The following NR3C2 variants were observed in gnomAD, a reference collection of about 807,000 sequenced individuals.
NR3C2 encodes mineralocorticoid receptor.
In NR3C2, 15 loss-of-function variants were observed where a neutral mutation model predicts 86.4. That is an observed-to-expected ratio of 0.17 (90% CI 0.12 to 0.27). The LOEUF (loss-of-function observed/expected upper bound fraction) is 0.27. Among genes scored for constraint, NR3C2 ranks in the 10% least tolerant of loss-of-function variants. The pLI, the probability that NR3C2 is intolerant of heterozygous loss-of-function variation, is 1.00. For missense variants in NR3C2, 960 were observed against 1,195.6 expected, an observed-to-expected ratio of 0.80 and a Z score of 2.91; for synonymous variants, 458 against 450.5, an observed-to-expected ratio of 1.02 and a Z score of -0.21.
intron 2 of NR3C2, among the ~76,000 whole-genome samples, chr4:148,292,386 T>C (rs976909528): frequency 2.6e-5 from 4 of 152,094 alleles, no homozygotes; most frequent in Admixed American, 6.5e-5. Context: ...AAATATTTGT[T>C]GCTTTATATA....
chr4:148,124,639 T>C (rs1374795593), intron 6 of NR3C2, among the ~76,000 whole-genome samples: 1 of 152,244 alleles, frequency 6.6e-6, no homozygotes, highest in East Asian at 1.9e-4. Flanking sequence ...CCTTCAGTTC[T>C]AAAATGTTTT....
intron 2 of NR3C2, among the ~76,000 whole-genome samples, chr4:148,376,890 A>C (rs72656871): frequency 6.6e-6 from 1 of 152,218 alleles, no homozygotes; most frequent in African/African-American, 2.4e-5. Context: ...TATTAAAATC[A>C]ACAACAAAAA....
chr4:148,323,559 AG>A (rs1743764579), intron 2 of NR3C2, among the ~76,000 whole-genome samples: 1 of 151,524 alleles, frequency 6.6e-6, no homozygotes, highest in Non-Finnish European at 1.5e-5. Context: ...CCTCCGAGCC[AG>A]GTGCGGGACA....
intron 8 of NR3C2, 48 bp from the exon 9 acceptor site, chr4:148,081,547 CCTGGATCCCT>C (rs1274547677): frequency 7.4e-6 from 12 of 1,612,682 alleles, no homozygotes; most frequent in Non-Finnish European, 8.5e-7. Context: ...CCTTTCCGAC[CCTGGATCCCT>C]CTGCCTTCTG....
At chr4:148,134,634 TCTC>T (rs1733194752) in intron 6 of NR3C2, among the ~76,000 whole-genome samples, 1 of 121,462 alleles carries the variant, frequency 8.2e-6, no homozygotes, top group African/African-American at 3.5e-5. Flanking sequence ...ATTCTCTCTC[TCTC>T]TCTCTCTTTT....
intron 6 of NR3C2, among the ~76,000 whole-genome samples, chr4:148,134,641 C>CTGTTTTTTTTTTTT: frequency 1.6e-5 from 1 of 60,966 alleles, no homozygotes; most frequent in East Asian, 7.9e-4. Context: ...CTCTCTCTCT[C>CTGTTTTTTTTTTTT]TCTTTTTTTT....
intron 3 of NR3C2, among the ~76,000 whole-genome samples, chr4:148,206,999 G>A (rs1737040722): frequency 6.6e-6 from 1 of 151,966 alleles, no homozygotes; most frequent in African/African-American, 2.4e-5. Flanking sequence ...ACAGCTCACT[G>A]CAGCCTTGAT....
intron 3 of NR3C2, among the ~76,000 whole-genome samples, chr4:148,225,590 ACAGAT>A (rs1484160400): frequency 1.3e-5 from 2 of 152,190 alleles, no homozygotes; most frequent in African/African-American, 4.8e-5. Context: ...CTAATGAATT[ACAGAT>A]AATTTATGGA....
At chr4:148,343,960 A>C (rs1744871492) in intron 2 of NR3C2, among the ~76,000 whole-genome samples, 1 of 152,132 alleles carries the variant, frequency 6.6e-6, no homozygotes, top group African/African-American at 2.4e-5. Context: ...CTCGAGGATA[A>C]TAAGCAGGAC....
At chr4:148,127,834 C>G (rs1003442863) in intron 6 of NR3C2, among the ~76,000 whole-genome samples, 8 of 152,124 alleles carry the variant, frequency 5.3e-5, no homozygotes, top group Non-Finnish European at 1.2e-4. Context: ...AATGAGGAAG[C>G]CAATTTTATT....
chr4:148,369,249 T>C (rs1746296095), intron 2 of NR3C2, among the ~76,000 whole-genome samples: 1 of 152,218 alleles, frequency 6.6e-6, no homozygotes, highest in African/African-American at 2.4e-5. Flanking sequence ...TTTTTATGGC[T>C]TCAAAATGCT....
intron 4 of NR3C2, among the ~76,000 whole-genome samples, chr4:148,177,348 A>G (rs1486358325): frequency 6.6e-6 from 1 of 152,210 alleles, no homozygotes; most frequent in Non-Finnish European, 1.5e-5. Flanking sequence ...ATGATATTGA[A>G]TATCATACAT....
chr4:148,383,245 C>A (rs1747090869), intron 2 of NR3C2, among the ~76,000 whole-genome samples: 2 of 152,062 alleles, frequency 1.3e-5, no homozygotes, highest in Non-Finnish European at 2.9e-5. Flanking sequence ...TAGAATTTTC[C>A]TTTCTGAGCT....
At chr4:148,312,937 C>A in intron 2 of NR3C2, among the ~76,000 whole-genome samples, 1 of 152,102 alleles carries the variant, frequency 6.6e-6, no homozygotes, top group South Asian at 2.1e-4. Context: ...GAATGATTCA[C>A]CTTTGAACTA....
At chr4:148,245,838 T>G (rs17581220) in intron 3 of NR3C2, among the ~76,000 whole-genome samples, 24,603 of 152,158 alleles carry the variant, frequency 0.16, 2,196 homozygotes, top group Admixed American at 0.21. Flanking sequence ...GATGGAAATT[T>G]TGTATGAAGA....
Position 148,435,656 on chromosome 4 carries a change from G to A in NR3C2, c.1205C>T (p.Pro402Leu), listed in dbSNP as rs143847779. Residue 402 changes from proline to leucine, a missense_variant, in exon 2 of 9, where the codon CCA (proline) becomes CTA (leucine). Pro to Leu is a moderately conservative substitution (Grantham distance 98). Transcript: ENST00000358102. ...LNIVQYIKPE[P>L]DGAFSSSCLG... is the part of the protein sequence containing the mutation. ...ACATGAGCTGCTAAAAGCTCCATCT[G>A]GTTCTGGTTTTATGTACTGGACAAT... 6.2e-7 allele frequency: 1 copy of A among 1,614,182 alleles called. No homozygotes were observed. The highest frequency in any genetic ancestry group is 1.3e-5 in the African/African-American group (1 of 75,056).
intron 2 of NR3C2, among the ~76,000 whole-genome samples, chr4:148,324,284 C>T (rs998681612): frequency 2.6e-5 from 4 of 151,774 alleles, no homozygotes; most frequent in Non-Finnish European, 2.9e-5. Context: ...TCCATGTTGT[C>T]GCAAATGGCA....
intron 6 of NR3C2, among the ~76,000 whole-genome samples, chr4:148,124,772 T>C (rs1732670444): frequency 6.6e-6 from 1 of 152,190 alleles, no homozygotes; most frequent in Non-Finnish European, 1.5e-5. Flanking sequence ...TTTCATATCT[T>C]CTCACTTTTT....
At chr4:148,279,036 G>A (rs754724933) in intron 2 of NR3C2, among the ~76,000 whole-genome samples, 10 of 152,006 alleles carry the variant, frequency 6.6e-5, no homozygotes, top group Non-Finnish European at 1.5e-4. Flanking sequence ...GGTGGCAGGC[G>A]CCTGTAATAC....
Sources: gnomAD v4.1 joint callset for allele counts (sites outside exome capture counted in the v4.1 genomes callset) on GRCh38, gnomAD v4.1.1 for gene constraint, MANE v1.5 for transcripts, NCBI Gene and HGNC (gene_info 2026-07-23, HGNC 2026-07-21) for gene names.